PCDH15: variants seen among roughly 807,000 people sequenced by gnomAD.
The protein encoded by PCDH15 is protocadherin-15.
PCDH15 carries 129 observed loss-of-function variants against 178.5 expected under a neutral mutation model. The ratio of observed to expected loss-of-function variants is 0.72; its 90% CI spans 0.63 to 0.84. The LOEUF (loss-of-function observed/expected upper bound fraction) is 0.84, where lower values mean the gene tolerates loss of function less well. PCDH15 is among the 40% of genes least tolerant of loss of function. The probability of loss-of-function intolerance (pLI) is 0.00; values close to 1 mark genes in which losing one functional copy is unlikely to be tolerated. For synonymous variants in PCDH15, 800 were observed against 732.0 expected, an observed-to-expected ratio of 1.09 and a Z score of -1.50; for missense variants, 2,230 against 2,099.9, an observed-to-expected ratio of 1.06 and a Z score of -1.21.
At chr10:55,350,028 A>C (rs1272501323) in intron 2 of PCDH15, among the ~76,000 whole-genome samples, 1 of 151,476 alleles carries the variant, frequency 6.6e-6, no homozygotes, top group Non-Finnish European at 1.5e-5. Flanking sequence ...GCTCTAAGCC[A>C]CTTCCTCTCA....
intron 25 of PCDH15, among the ~76,000 whole-genome samples, chr10:53,929,083 A>G (rs1459583098): frequency 6.6e-6 from 1 of 151,988 alleles, no homozygotes; most frequent in Non-Finnish European, 1.5e-5. Flanking sequence ...GAAATGTAAT[A>G]TTTTTCTATT....
intron 1 of PCDH15, among the ~76,000 whole-genome samples, chr10:54,718,690 T>TTC (rs2132466685): frequency 7.0e-6 from 1 of 142,108 alleles, no homozygotes; most frequent in East Asian, 2.0e-4. Context: ...GATTCTTTTT[T>TTC]TTTTTTTTTT....
chr10:54,844,352 C>A (rs146830297), intron 3 of PCDH15, among the ~76,000 whole-genome samples: 1 of 152,152 alleles, frequency 6.6e-6, no homozygotes, highest in African/African-American at 2.4e-5. Flanking sequence ...TCAAGAACAA[C>A]TTACCTTGTT....
intron 29 of PCDH15, among the ~76,000 whole-genome samples, chr10:53,833,705 T>A (rs2077143704): frequency 6.6e-6 from 1 of 152,118 alleles, no homozygotes; most frequent in African/African-American, 2.4e-5. Context: ...TTTTTTCGAT[T>A]TTTTGCTTCT....
chr10:54,168,485 T>C (rs1488777236), intron 13 of PCDH15, among the ~76,000 whole-genome samples: 2 of 152,144 alleles, frequency 1.3e-5, no homozygotes, highest in African/African-American at 2.4e-5. Context: ...CCTCTGCTCC[T>C]CCACCCTATA....
At chr10:54,233,327 T>A (rs75514009) in intron 9 of PCDH15, among the ~76,000 whole-genome samples, 3,007 of 151,932 alleles carry the variant, frequency 0.02, 47 homozygotes, top group Non-Finnish European at 0.03. Flanking sequence ...GAGATTAAAA[T>A]ACATGTTACA....
At chr10:53,927,149 A>T (rs934281319) in intron 25 of PCDH15, among the ~76,000 whole-genome samples, 1 of 149,690 alleles carries the variant, frequency 6.7e-6, no homozygotes, top group Non-Finnish European at 1.5e-5. Context: ...TGTAAATGCA[A>T]GTGTGTGTGT....
chr10:55,518,212 T>G (rs1448025667), intron 2 of PCDH15, among the ~76,000 whole-genome samples: 3 of 152,144 alleles, frequency 2.0e-5, no homozygotes, highest in Non-Finnish European at 4.4e-5. Flanking sequence ...CATTCCCTCT[T>G]TAAAGTCCCA....
At chr10:54,273,144 G>C (rs1028292057) in intron 8 of PCDH15, among the ~76,000 whole-genome samples, 3 of 152,028 alleles carry the variant, frequency 2.0e-5, no homozygotes, top group Non-Finnish European at 4.4e-5. Context: ...TAATGCTGTT[G>C]TTTGTGAACT....
chr10:55,344,635 C>G (rs1416604507), intron 2 of PCDH15, among the ~76,000 whole-genome samples: 1 of 151,970 alleles, frequency 6.6e-6, no homozygotes, highest in African/African-American at 2.4e-5. Flanking sequence ...TTGACAGAAG[C>G]AGCTTTAGAG....
chr10:54,531,656 A>C (rs1481076903), intron 2 of PCDH15, among the ~76,000 whole-genome samples: 2 of 152,166 alleles, frequency 1.3e-5, no homozygotes, highest in Non-Finnish European at 2.9e-5. Context: ...AACGTTGATC[A>C]ATGTGTTTTC....
intron 1 of PCDH15, among the ~76,000 whole-genome samples, chr10:55,184,178 T>C (rs1839732577): frequency 6.6e-6 from 1 of 151,972 alleles, no homozygotes; most frequent in Non-Finnish European, 1.5e-5. Context: ...TTATGCATCC[T>C]CAGCTTGTGA....
intron 5 of PCDH15, among the ~76,000 whole-genome samples, chr10:54,349,620 C>T (rs1202419022): frequency 2.0e-5 from 3 of 152,048 alleles, no homozygotes; most frequent in Non-Finnish European, 2.9e-5. Flanking sequence ...GCAGAAATCA[C>T]ATTTGTAAGT....
chr10:55,350,700 A>T (rs2131966428), intron 2 of PCDH15, among the ~76,000 whole-genome samples: 1 of 152,104 alleles, frequency 6.6e-6, no homozygotes, highest in East Asian at 1.9e-4. Flanking sequence ...TTCACTGATA[A>T]TTTTTTTCAT....
chr10:54,133,040 C>T lies in PCDH15; in HGVS notation c.1785-33G>A, dbSNP rs192568653. ...GAAAGAGAGGAAAAGAAGATGGTTACGAATCTGCATCACATTTAATGTTAG... is the reference window on the plus strand; with the variant it reads ...GAAAGAGAGGAAAAGAAGATGGTTATGAATCTGCATCACATTTAATGTTAG... On this transcript the variant is annotated intron_variant, in intron 14 of 37. Coordinates refer to ENST00000644397, the MANE Select transcript of PCDH15 (RefSeq NM_001384140.1). 61 of 1,613,382 alleles carry T rather than the reference C, an allele frequency of 3.8e-5. 1 individual carries two copies. In the African/African-American group the frequency reaches 4.7e-4, roughly 12 times the overall value.
At chr10:55,621,682 C>T (rs1214080747) in intron 2 of PCDH15, among the ~76,000 whole-genome samples, 3 of 152,022 alleles carry the variant, frequency 2.0e-5, no homozygotes, top group African/African-American at 7.2e-5. Flanking sequence ...TAACCCCCAT[C>T]CCCACAATCC....
At chr10:55,363,896 C>A in intron 2 of PCDH15, among the ~76,000 whole-genome samples, 1 of 152,130 alleles carries the variant, frequency 6.6e-6, no homozygotes, top group Non-Finnish European at 1.5e-5. Context: ...CTCAGCCTCC[C>A]AAAGTGCTGG....
At chr10:54,552,956 C>T (rs1244109620) in intron 2 of PCDH15, among the ~76,000 whole-genome samples, 1 of 152,094 alleles carries the variant, frequency 6.6e-6, no homozygotes, top group East Asian at 1.9e-4. Flanking sequence ...ACTTATGAAA[C>T]AAGTTTATTT....
intron 11 of PCDH15, among the ~76,000 whole-genome samples, chr10:54,185,942 TAAA>T (rs1214438488): frequency 6.6e-6 from 1 of 152,002 alleles, no homozygotes; most frequent in Non-Finnish European, 1.5e-5. Context: ...GATATATACT[TAAA>T]AAGGAAGGGA....
Sources: gnomAD v4.1 joint callset for allele counts (sites outside exome capture counted in the v4.1 genomes callset) on GRCh38, gnomAD v4.1.1 for gene constraint, MANE v1.5 for transcripts, NCBI Gene and HGNC (gene_info 2026-07-23, HGNC 2026-07-21) for gene names.